MYO9A: variants seen among roughly 807,000 people sequenced by gnomAD.
MYO9A encodes unconventional myosin-IXa.
Under a neutral mutation model 293.3 loss-of-function variants are expected in MYO9A, and 103 were observed. The ratio of observed to expected loss-of-function variants is 0.35; its 90% CI spans 0.30 to 0.41. MYO9A has a LOEUF of 0.41. Ranked by LOEUF, MYO9A falls within the 10% of genes least tolerant of loss-of-function variation. The probability of loss-of-function intolerance (pLI) is 1.00; values close to 1 mark genes in which losing one functional copy is unlikely to be tolerated. For missense variants in MYO9A, 2,685 were observed against 3,033.0 expected (o/e 0.89, Z 2.69); for synonymous variants, 1,001 against 1,035.7 (o/e 0.97, Z 0.64).
At chr15:71,928,203 G>A (rs1323120058) in intron 18 of MYO9A, among the ~76,000 whole-genome samples, 9 of 141,216 alleles carry the variant, frequency 6.4e-5, no homozygotes, top group South Asian at 2.3e-4. Context: ...TCAGCCTCCC[G>A]AGTAGCTGGG....
chr15:71,940,887 C>A (rs1321614090), intron 15 of MYO9A, among the ~76,000 whole-genome samples: 1 of 151,848 alleles, frequency 6.6e-6, no homozygotes, highest in African/African-American at 2.4e-5. Context: ...CGCCATCTCA[C>A]CCCAGCCTGG....
At chr15:71,967,228 A>G (rs2075900722) in intron 13 of MYO9A, among the ~76,000 whole-genome samples, 1 of 152,236 alleles carries the variant, frequency 6.6e-6, no homozygotes. Flanking sequence ...ACACACATAT[A>G]TATATGCACA....
At position 71,935,928 on chromosome 15, in the gene MYO9A, A is replaced by ACACT. The variant is rs1218575760; in HGVS notation, c.2379-448_2379-445dup. ...TACACACACACACACACACACACAC[A>ACACT]CACTCACTACTCACACACCCATTAA... On this transcript the variant is annotated intron_variant, in intron 16 of 41. Coordinates refer to ENST00000356056, the MANE Select transcript of MYO9A (RefSeq NM_006901.4). Among the ~76,000 whole-genome samples, 11 of 151,422 alleles carry ACACT rather than the reference A, an allele frequency of 7.3e-5. 1 individual carries two copies. Among genetic ancestry groups the ACACT allele is most frequent in the Non-Finnish European group, 1.5e-4 (10 of 67,726 alleles).
intron 1 of MYO9A, among the ~76,000 whole-genome samples, chr15:72,115,389 TC>T (rs1486519730): frequency 4.6e-5 from 7 of 152,106 alleles, no homozygotes; most frequent in Non-Finnish European, 1.0e-4. Context: ...AATTAACCCC[TC>T]TATCCTTCCT....
intron 1 of MYO9A, among the ~76,000 whole-genome samples, chr15:72,109,875 G>A (rs1252419565): frequency 1.3e-5 from 2 of 151,080 alleles, no homozygotes; most frequent in African/African-American, 2.4e-5. Flanking sequence ...TAGCCTGGGC[G>A]ACAGAGCAAG....
chr15:71,978,431 A>ATTC, intron 11 of MYO9A, 139 bp from the exon 12 acceptor site: 1 of 659,882 alleles, frequency 1.5e-6, no homozygotes, highest in Non-Finnish European at 2.3e-6. Flanking sequence ...AGAATGTATA[A>ATTC]TTTCAGTTGT....
In MYO9A at chr15:72,046,536, G is replaced by T; in HGVS notation, c.28C>A (p.Arg10Ser). 4 of 1,604,028 alleles carry T rather than the reference G, an allele frequency of 2.5e-6. No homozygotes were observed. The highest frequency in any genetic ancestry group is 3.4e-6 in the Non-Finnish European group (4 of 1,174,214). Residue 10 changes from arginine to serine, a missense_variant, in exon 2 of 42, where the codon CGC (arginine) becomes AGC (serine). Coordinates refer to ENST00000356056, the MANE Select transcript of MYO9A (RefSeq NM_006901.4). ...AATGTATGTTCATTATCTTCAAAGC[G>T]TCGTCTTCCTCCATCATTTATATTC... MNINDGGRR[R>S]FEDNEHTLRI...
At chr15:71,849,958 A>T (rs2055563665) in intron 38 of MYO9A, 78 bp downstream of exon 38, 1 of 1,533,046 alleles carries the variant, frequency 6.5e-7, no homozygotes, top group Non-Finnish European at 9.0e-7. Context: ...CCCATTCACT[A>T]TGTTTGATAT....
intron 34 of MYO9A, among the ~76,000 whole-genome samples, chr15:71,857,172 T>C (rs1012217521): frequency 1.3e-5 from 2 of 152,174 alleles, no homozygotes; most frequent in African/African-American, 4.8e-5. Flanking sequence ...ACTTTAAAAA[T>C]AACTTGATTT....
chr15:72,063,489 A>G (rs1417348229), intron 1 of MYO9A, among the ~76,000 whole-genome samples: 1 of 152,226 alleles, frequency 6.6e-6, no homozygotes, highest in Non-Finnish European at 1.5e-5. Flanking sequence ...AAATATGTGC[A>G]AACTGTCTAT....
rs777585347 is a variant in MYO9A at position 71,879,811 on chromosome 15, G to A, written c.5649C>T (p.Ser1883=). The A allele has an allele frequency of 6.2e-7, 1 of 1,612,724 alleles. No individual in the cohort carries two copies. Among genetic ancestry groups the A allele is most frequent in the South Asian group, 1.1e-5 (1 of 90,974 alleles). ...KKVNDLDNED[S]KKDTLVDVVF... Reference sequence around the variant, plus strand: ...CAACATCCACTAGTGTATCCTTCTTGCTGTCTTCATTATCTAGGTCATTCA... The same window carrying A: ...CAACATCCACTAGTGTATCCTTCTTACTGTCTTCATTATCTAGGTCATTCA... The change falls in exon 30 of 42, where the codon AGC becomes AGT. Residue 1883 remains serine, a synonymous_variant. Coordinates refer to ENST00000356056, the MANE Select transcript of MYO9A (RefSeq NM_006901.4).
At chr15:72,030,804 G>A (rs1399514415) in intron 3 of MYO9A, among the ~76,000 whole-genome samples, 1 of 152,150 alleles carries the variant, frequency 6.6e-6, no homozygotes, top group African/African-American at 2.4e-5. Context: ...AATTATAGGG[G>A]TGCCTGGCCT....
chr15:72,113,482 A>G (rs1391691136), intron 1 of MYO9A, among the ~76,000 whole-genome samples: 5 of 152,224 alleles, frequency 3.3e-5, no homozygotes, highest in Admixed American at 2.0e-4. Context: ...AAGAAAAGCT[A>G]GAGAATTAAG....
chr15:71,987,746 A>T (rs1201851723), intron 11 of MYO9A, among the ~76,000 whole-genome samples: 1 of 152,212 alleles, frequency 6.6e-6, no homozygotes, highest in African/African-American at 2.4e-5. Context: ...TACCTGTGAT[A>T]CTGTACCTTC....
intron 8 of MYO9A, among the ~76,000 whole-genome samples, chr15:72,006,576 G>A (rs979057954): frequency 3.3e-5 from 5 of 152,098 alleles, no homozygotes; most frequent in African/African-American, 7.2e-5. Flanking sequence ...GGATTTTTAC[G>A]GCAGTGAAAC....
At chr15:71,930,090 C>G (rs1384897417) in intron 18 of MYO9A, among the ~76,000 whole-genome samples, 1 of 152,146 alleles carries the variant, frequency 6.6e-6, no homozygotes, top group Non-Finnish European at 1.5e-5. Context: ...GAAAGAATTT[C>G]TATTGCTGGC....
At position 72,094,024 on chromosome 15, in the gene MYO9A, C is replaced by T. The variant is rs545365360; in HGVS notation, c.-72+23656G>A. Among the ~76,000 whole-genome samples, 2 of 90,512 alleles carry T rather than the reference C, an allele frequency of 2.2e-5. 1 individual carries two copies. The highest frequency in any genetic ancestry group is 4.7e-4 in the East Asian group (2 of 4,268). 59.4% of individuals were successfully genotyped at this position (90,512 alleles called of 152,430 possible). ...TACACACCCAAAAAAAGAAGAAAAA[C>T]ACAAAAATACAAAAAAAGGTTAAAA... On this transcript the variant is annotated intron_variant, in intron 1 of 41. Coordinates refer to ENST00000356056, the MANE Select transcript of MYO9A (RefSeq NM_006901.4).
At position 71,905,090 on chromosome 15, in the gene MYO9A, C is replaced by A; in HGVS notation, c.2686-84G>T. ...TTTATAACTATAATCAACATGCTGG[C>A]AAAACATTCAAAAAGTAGAGGTACA... is the stretch of plus-strand genomic sequence containing the variant. On this transcript the variant is annotated intron_variant, in intron 19 of 41. Coordinates refer to ENST00000356056, the MANE Select transcript of MYO9A (RefSeq NM_006901.4). The A allele has an allele frequency of 6.0e-6, 7 of 1,165,004 alleles. No homozygotes were observed. In the Admixed American group the frequency reaches 6.8e-5, roughly 11 times the overall value. The allele number at this position is 1,165,004 out of a possible 1,614,324, so 72.2% of individuals were successfully genotyped here.
chr15:71,999,904 T>A lies in MYO9A; in HGVS notation c.1417A>T (p.Arg473Trp). The A allele has an allele frequency of 6.2e-7, 1 of 1,612,832 alleles. No individual in the cohort carries two copies. The highest frequency in any genetic ancestry group is 8.5e-7 in the Non-Finnish European group (1 of 1,179,568). Residue 473 changes from arginine (R) to tryptophan (W), a missense_variant, in exon 9 of 42, where the codon AGG becomes TGG. By Grantham distance (101) the Arg-to-Trp change is moderately radical. Coordinates refer to ENST00000356056, the MANE Select transcript of MYO9A (RefSeq NM_006901.4). ...TTTTCTCCCACTGTCACCGTCTTCC[T>A]TGTAACTAATGCTTCAAATAGCATC... ...EEMLFEALVT[R>W]KTVTVGEKLI...
Sources: allele counts gnomAD v4.1 joint callset (sites outside exome capture counted in the v4.1 genomes callset), GRCh38; gene constraint gnomAD v4.1.1; transcripts MANE v1.5; gene names NCBI Gene and HGNC (gene_info 2026-07-23, HGNC 2026-07-21).